Variants in JRKL observed in about 807,000 individuals in gnomAD.
JRKL encodes JRK like.
In JRKL, 25 loss-of-function variants were observed where a neutral mutation model predicts 34.7. The observed-to-expected ratio is 0.72, with a 90% CI of 0.53 to 1.01. The LOEUF is 1.01. Among genes scored for constraint, JRKL ranks in the 50% least tolerant of loss-of-function variants. The pLI, the probability that JRKL is intolerant of heterozygous loss-of-function variation, is 0.00. For synonymous variants in JRKL, 204 were observed against 212.8 expected, an observed-to-expected ratio of 0.96 and a Z score of 0.36; for missense variants, 495 against 615.7, an observed-to-expected ratio of 0.80 and a Z score of 2.07.
At chr11:96,390,450 T>C in intron 1 of JRKL, 33 bp from the exon 2 acceptor site, 1 of 540,372 alleles carries the variant, frequency 1.9e-6, no homozygotes, top group Non-Finnish European at 3.1e-6. Context: ...GCCTGTTCTC[T>C]CAAACTTCCT....
At position 96,391,410 on chromosome 11, in the gene JRKL, G is replaced by A. The variant is rs1866532603; in HGVS notation, c.761G>A (p.Gly254Asp). 6.4e-7 allele frequency: 1 copy of A among 1,551,600 alleles called. No homozygotes were observed. The highest frequency in any genetic ancestry group is 8.7e-7 in the Non-Finnish European group (1 of 1,147,010). The change falls in exon 2 of 2, where the codon GGT (glycine) becomes GAT (aspartate). Residue 254 changes from glycine (G) to aspartate (D), a missense_variant. By Grantham distance (94) the Gly-to-Asp change is moderately conservative. Coordinates refer to ENST00000332349, the MANE Select transcript of JRKL (RefSeq NM_001261833.2). ...NLPVSYFSQKGAWMDLSIFRQ... is the reference protein window; with the variant it reads ...NLPVSYFSQKDAWMDLSIFRQ... Reference sequence around the variant, plus strand: ...CCAGTCTCTTATTTCAGCCAAAAAGGTGCATGGATGGATCTTTCCATTTTC... The same window carrying A: ...CCAGTCTCTTATTTCAGCCAAAAAGATGCATGGATGGATCTTTCCATTTTC...
Position 96,391,128 on chromosome 11 carries a change from G to A in JRKL, c.479G>A (p.Arg160Gln), listed in dbSNP as rs756924779. 12 of 1,611,610 alleles carry A rather than the reference G, an allele frequency of 7.4e-6. No individual in the cohort carries two copies. The highest frequency in any genetic ancestry group is 1.1e-5 in the South Asian group (1 of 90,808). ...GTGGAAGATTTTTGTAATAACTTTC[G>A]AGATTTTATTGAACGAGAGAATTTA... ...TAVEDFCNNFRDFIERENLQP... is the reference protein window; with the variant it reads ...TAVEDFCNNFQDFIERENLQP... The change falls in exon 2 of 2, where the codon CGA becomes CAA. Residue 160 changes from arginine to glutamine, a missense_variant. Coordinates refer to ENST00000332349, the MANE Select transcript of JRKL (RefSeq NM_001261833.2).
In JRKL at chr11:96,391,142, C is replaced by T. The variant is rs778390770; in HGVS notation, c.493C>T (p.Arg165Ter). The T allele has an allele frequency of 1.2e-6, 2 of 1,603,736 alleles. No homozygotes were observed. The highest frequency in any genetic ancestry group is 2.2e-5 in the East Asian group (1 of 44,574). The change falls in exon 2 of 2, where the codon CGA becomes TGA. Residue 165 changes from arginine (R) to a stop codon, truncating the protein, a stop_gained. Transcript: ENST00000332349. LOFTEE classifies it high-confidence loss of function. ...TAATAACTTTCGAGATTTTATTGAA[C>T]GAGAGAATTTACAGCCTGAACAAAT... ...FCNNFRDFIERENLQPEQIYN... is the reference protein window; with the variant it reads ...FCNNFRDFIE
At position 96,390,492 on chromosome 11, in the gene JRKL, C is replaced by T; in HGVS notation, c.-158C>T. 1 of 828,736 alleles carries T rather than the reference C, an allele frequency of 1.2e-6. No individual in the cohort carries two copies. The highest frequency in any genetic ancestry group is 3.5e-5 in the Admixed American group (1 of 28,404). The allele number at this position is 828,736 out of a possible 1,614,324, so 51.3% of individuals were successfully genotyped here. On this transcript the variant is annotated 5_prime_UTR_variant, in exon 2 of 2. Transcript: ENST00000332349. ...TCACCTTCTTCTGCAGTCTATTTGC[C>T]AGCCAACCCCAGCCCGGGAGGGGAT...
In JRKL at chr11:96,392,315, C is replaced by T. The variant is rs1359156073; in HGVS notation, c.*91C>T. On this transcript the variant is annotated 3_prime_UTR_variant, in exon 2 of 2. Transcript: ENST00000332349. The stretch of plus-strand genomic sequence containing the variant: ...TTTCTTTGTGTTCTGAATTCTCAGA[C>T]TTGGTCCTGTGAAATACAGGCACAA... 7 of 1,451,518 alleles carry T rather than the reference C, an allele frequency of 4.8e-6. No individual in the cohort carries two copies. The highest frequency in any genetic ancestry group is 1.4e-5 in the African/African-American group (1 of 69,698). The allele number at this position is 1,451,518 out of a possible 1,614,324, so 89.9% of individuals were successfully genotyped here.
chr11:96,392,325 T>A lies in JRKL; in HGVS notation c.*101T>A. The A allele has an allele frequency of 1.4e-6, 2 of 1,439,318 alleles. No individual in the cohort carries two copies. Among genetic ancestry groups the A allele is most frequent in the Non-Finnish European group, 1.8e-6 (2 of 1,093,722 alleles). 89.2% of individuals were successfully genotyped at this position (1,439,318 alleles called of 1,614,324 possible). ...TTCTGAATTCTCAGACTTGGTCCTGTGAAATACAGGCACAAAATGTATCTG... is the reference window on the plus strand; with the variant it reads ...TTCTGAATTCTCAGACTTGGTCCTGAGAAATACAGGCACAAAATGTATCTG... On this transcript the variant is annotated 3_prime_UTR_variant, in exon 2 of 2. Coordinates refer to ENST00000332349, the MANE Select transcript of JRKL (RefSeq NM_001261833.2).
At position 96,390,617 on chromosome 11, in the gene JRKL, T is replaced by C. The variant is rs1308042320; in HGVS notation, c.-33T>C. ...AGGAAGGATTTTGTGGATTGCTACA[T>C]TGTGAGTGTGGGGTGAGTCCCAGAA... On this transcript the variant is annotated 5_prime_UTR_variant, in exon 2 of 2. Coordinates refer to ENST00000332349, the MANE Select transcript of JRKL (RefSeq NM_001261833.2). The C allele has an allele frequency of 6.5e-7, 1 of 1,544,348 alleles. No homozygotes were observed. The highest frequency in any genetic ancestry group is 2.2e-5 in the Admixed American group (1 of 46,168).
In JRKL at chr11:96,392,074, T is replaced by C. The variant is rs139175426; in HGVS notation, c.1425T>C (p.His475=). The change falls in exon 2 of 2, where the codon CAT becomes CAC. Residue 475 remains histidine, a synonymous_variant. Transcript: ENST00000332349. ...EEEIELIPEK[H]INHAAALQWT... is the part of the protein sequence containing the mutation. ...AAATAGAACTAATTCCAGAGAAACA[T>C]ATTAATCATGCAGCTGCCCTCCAGT... 1,016 of 1,613,876 alleles carry C rather than the reference T, an allele frequency of 6.3e-4. 4 individuals are homozygous for C. The highest frequency in any genetic ancestry group is 4.7e-4 in the Non-Finnish European group (559 of 1,179,982).
Position 96,391,100 on chromosome 11 carries a change from G to T in JRKL, c.451G>T (p.Ala151Ser). ...RNERLNGDET[A>S]VEDFCNNFRD... ...TGAAAGATTAAATGGAGATGAGACT[G>T]CGGTGGAAGATTTTTGTAATAACTT... is the stretch of plus-strand genomic sequence containing the variant. The change falls in exon 2 of 2, where the codon GCG becomes TCG. Residue 151 changes from alanine (A) to serine (S), a missense_variant. Coordinates refer to ENST00000332349, the MANE Select transcript of JRKL (RefSeq NM_001261833.2). The T allele has an allele frequency of 6.2e-7, 1 of 1,614,092 alleles. No individual in the cohort carries two copies. Among genetic ancestry groups the T allele is most frequent in the Non-Finnish European group, 8.5e-7 (1 of 1,180,006 alleles).
chr11:96,392,656 G>A lies in JRKL; in HGVS notation c.*432G>A, dbSNP rs1866563252. 2 of 167,406 alleles carry A rather than the reference G, an allele frequency of 1.2e-5. No homozygotes were observed. The highest frequency in any genetic ancestry group is 6.5e-5 in the Admixed American group (1 of 15,370). 10.4% of individuals were successfully genotyped at this position (167,406 alleles called of 1,614,324 possible). On this transcript the variant is annotated 3_prime_UTR_variant, in exon 2 of 2. Coordinates refer to ENST00000332349, the MANE Select transcript of JRKL (RefSeq NM_001261833.2). Reference sequence around the variant, plus strand: ...TTTGTATATTTTAATAGACTGATAGGATGAGAAAGATTTATATTATTAGAT... The same window carrying A: ...TTTGTATATTTTAATAGACTGATAGAATGAGAAAGATTTATATTATTAGAT...
In JRKL at chr11:96,392,299, G is replaced by A. The variant is rs149748923; in HGVS notation, c.*75G>A. ...TGCAATATGGCTTAATTTTCTTTGTGTTCTGAATTCTCAGACTTGGTCCTG... is the reference window on the plus strand; with the variant it reads ...TGCAATATGGCTTAATTTTCTTTGTATTCTGAATTCTCAGACTTGGTCCTG... On this transcript the variant is annotated 3_prime_UTR_variant, in exon 2 of 2. Coordinates refer to ENST00000332349, the MANE Select transcript of JRKL (RefSeq NM_001261833.2). 3 of 1,463,730 alleles carry A rather than the reference G, an allele frequency of 2.0e-6. No homozygotes were observed. Among genetic ancestry groups the A allele is most frequent in the African/African-American group, 2.9e-5 (2 of 70,096 alleles). 90.7% of individuals were successfully genotyped at this position (1,463,730 alleles called of 1,614,324 possible).
chr11:96,392,174 C>T lies in JRKL; in HGVS notation c.1525C>T (p.Leu509Phe). ...ACCTGATAGACTGGTAATACGTAAA[C>T]TTCGAGCCACCATCAGAAATAAACA... ...ILPDRLVIRKLRATIRNKQKM... is the reference protein window; with the variant it reads ...ILPDRLVIRKFRATIRNKQKM... Residue 509 changes from leucine to phenylalanine, a missense_variant, in exon 2 of 2, where the codon CTT (leucine) becomes TTT (phenylalanine). Leu to Phe is a conservative substitution (Grantham distance 22). Transcript: ENST00000332349. 6.2e-7 allele frequency: 1 copy of T among 1,600,190 alleles called. No individual in the cohort carries two copies. Among genetic ancestry groups the T allele is most frequent in the Non-Finnish European group, 8.5e-7 (1 of 1,175,210 alleles).
In JRKL at chr11:96,390,707, A is replaced by C; in HGVS notation, c.58A>C (p.Lys20Gln). The change falls in exon 2 of 2, where the codon AAG becomes CAG. Residue 20 changes from lysine to glutamine, a missense_variant. Coordinates refer to ENST00000332349, the MANE Select transcript of JRKL (RefSeq NM_001261833.2). The part of the protein sequence containing the change: ...LTIKDKLDII[K>Q]KLEDGGSSKQ... The stretch of plus-strand genomic sequence containing the variant: ...TATTAAAGATAAGCTTGATATAATA[A>C]AGAAACTTGAAGACGGAGGTTCTTC... 3 of 1,606,940 alleles carry C rather than the reference A, an allele frequency of 1.9e-6. No individual in the cohort carries two copies. The highest frequency in any genetic ancestry group is 2.5e-6 in the Non-Finnish European group (3 of 1,178,138).
rs541510594 is a variant in JRKL at position 96,390,451 on chromosome 11, C to G, written c.-167-32C>G. On this transcript the variant is annotated intron_variant, in intron 1 of 1. Coordinates refer to ENST00000332349, the MANE Select transcript of JRKL (RefSeq NM_001261833.2). ...TAAGTTAAAGAAAGGCCTGTTCTCT[C>G]AAACTTCCTCCTCTTTCACCTTCTT... 514 of 543,242 alleles carry G rather than the reference C, an allele frequency of 9.5e-4. 2 individuals carry two copies. Among genetic ancestry groups the G allele is most frequent in the Non-Finnish European group, 1.3e-3 (434 of 321,926 alleles). The allele number at this position is 543,242 out of a possible 1,614,324, so 33.7% of individuals were successfully genotyped here.
In JRKL at chr11:96,391,232, G is replaced by A. The variant is rs754035994; in HGVS notation, c.583G>A (p.Gly195Ser). 3.4e-5 allele frequency: 53 copies of A among 1,552,040 alleles called. No individual in the cohort carries two copies. The South Asian group carries it at 6.1e-4, about 18-fold the overall frequency. The change falls in exon 2 of 2, where the codon GGT (glycine) becomes AGT (serine). Residue 195 changes from glycine (G) to serine (S), a missense_variant. By Grantham distance (56) the Gly-to-Ser change is moderately conservative. Transcript: ENST00000332349. ...GCCTTCTAGGATTTCAGTAATCAAA[G>A]GTAAATGCACTGTCCCTGGGCACAA... ...CLPSRISVIK[G>S]KCTVPGHKSI...
In JRKL at chr11:96,393,060, A is replaced by C. The variant is rs2136245357; in HGVS notation, c.*836A>C. 6.0e-6 allele frequency: 1 copy of C among 165,894 alleles called. No individual in the cohort carries two copies. Among genetic ancestry groups the C allele is most frequent in the African/African-American group, 2.4e-5 (1 of 41,356 alleles). The allele number at this position is 165,894 out of a possible 1,614,324, so 10.3% of individuals were successfully genotyped here. ...TTTATAGTACAGGTTTTGTAATGTTACATGTGATGATATGAGCTCCCACCT... is the reference window on the plus strand; with the variant it reads ...TTTATAGTACAGGTTTTGTAATGTTCCATGTGATGATATGAGCTCCCACCT... On this transcript the variant is annotated 3_prime_UTR_variant, in exon 2 of 2. Coordinates refer to ENST00000332349, the MANE Select transcript of JRKL (RefSeq NM_001261833.2).
chr11:96,390,149 C>A, intron 1 of JRKL, 76 bp downstream of exon 1: 1 of 154,838 alleles, frequency 6.5e-6, no homozygotes, highest in Non-Finnish European at 1.4e-5. Flanking sequence ...GAAACTGGGG[C>A]TGCGCGGCGG....
chr11:96,392,364 A>T lies in JRKL; in HGVS notation c.*140A>T, dbSNP rs1253966933. ...AAAATGTATCTGAAGTGGTTTGAGG[A>T]TTATGTGTTTTCATCATCTGTGTCT... On this transcript the variant is annotated 3_prime_UTR_variant, in exon 2 of 2. Transcript: ENST00000332349. The T allele has an allele frequency of 2.3e-5, 29 of 1,263,866 alleles. No individual in the cohort carries two copies. Among genetic ancestry groups the T allele is most frequent in the Non-Finnish European group, 3.0e-5 (28 of 945,524 alleles). 78.3% of individuals were successfully genotyped at this position (1,263,866 alleles called of 1,614,324 possible). A position where few individuals can be genotyped will look rare whatever the true frequency, so the allele number is the denominator to read the frequency against.
Position 96,392,293 on chromosome 11 carries a change from C to A in JRKL, c.*69C>A. 6.8e-7 allele frequency: 1 copy of A among 1,468,922 alleles called. No homozygotes were observed. The highest frequency in any genetic ancestry group is 9.0e-7 in the Non-Finnish European group (1 of 1,111,268). The allele number at this position is 1,468,922 out of a possible 1,614,324, so 91.0% of individuals were successfully genotyped here. On this transcript the variant is annotated 3_prime_UTR_variant, in exon 2 of 2. Coordinates refer to ENST00000332349, the MANE Select transcript of JRKL (RefSeq NM_001261833.2). ...ACTCTTTGCAATATGGCTTAATTTT[C>A]TTTGTGTTCTGAATTCTCAGACTTG...
Sources: gnomAD v4.1 joint callset for allele counts on GRCh38, gnomAD v4.1.1 for gene constraint, MANE v1.5 for transcripts, NCBI Gene and HGNC (gene_info 2026-07-23, HGNC 2026-07-21) for gene names.